The following INSL6 variants were observed in gnomAD, a reference collection of about 807,000 sequenced individuals.
INSL6 encodes the protein insulin-like peptide INSL6.
In INSL6, 16 loss-of-function variants were observed where a neutral mutation model predicts 9.4. The observed-to-expected ratio is 1.70, with a 90% CI of 1.15 to 2.59. The LOEUF is 2.59. Among genes scored for constraint, INSL6 ranks in the 30% most tolerant of loss-of-function variants. The pLI, the probability that INSL6 is intolerant of heterozygous loss-of-function variation, is 0.00. For synonymous variants in INSL6, 154 were observed against 96.9 expected, an observed-to-expected ratio of 1.59 and a Z score of -3.46; for missense variants, 391 against 257.3, an observed-to-expected ratio of 1.52 and a Z score of -3.56.
chr9:5,138,009 A>T (rs1217572353), intron 2 of INSL6, among the ~76,000 whole-genome samples: 1 of 152,232 alleles, frequency 6.6e-6, no homozygotes, highest in Admixed American at 6.5e-5. Flanking sequence ...CATTAGAGAA[A>T]TGCAAATCAA....
At chr9:5,064,805 G>A in the INSL6 span, 4 of 1,091,886 alleles carry the variant, frequency 3.7e-6, no homozygotes, top group African/African-American at 1.6e-5. Flanking sequence ...ATTTAACATG[G>A]AATGAAGAAA....
intron 2 of INSL6, among the ~76,000 whole-genome samples, chr9:5,157,958 A>G (rs1586867593): frequency 6.6e-6 from 1 of 152,214 alleles, no homozygotes; most frequent in East Asian, 1.9e-4. Flanking sequence ...AATAAAACAG[A>G]AAAGAAATTC....
the INSL6 span, among the ~76,000 whole-genome samples, chr9:5,086,502 A>T: frequency 6.6e-6 from 1 of 152,082 alleles, no homozygotes. Flanking sequence ...ATTAGCTAAC[A>T]TCTTGGTCCA....
the INSL6 span, chr9:5,041,592 T>C: frequency 8.0e-6 from 4 of 499,002 alleles, no homozygotes; most frequent in South Asian, 1.6e-5. Context: ...GCGCCTGGAC[T>C]TTGAGAAGCC....
the INSL6 span, chr9:5,090,781 C>T: frequency 2.6e-5 from 42 of 1,612,760 alleles, 1 homozygote; most frequent in South Asian, 4.6e-4. Flanking sequence ...CCACAGGGAT[C>T]TGGCAACGAG....
chr9:5,052,649 C>T, the INSL6 span, among the ~76,000 whole-genome samples: 7 of 152,184 alleles, frequency 4.6e-5, no homozygotes, highest in Non-Finnish European at 7.4e-5. Flanking sequence ...CAGTCCTCAT[C>T]CCACTTTCCC....
chr9:5,141,197 T>G (rs1229280862), intron 2 of INSL6, among the ~76,000 whole-genome samples: 2 of 152,186 alleles, frequency 1.3e-5, no homozygotes, highest in Non-Finnish European at 2.9e-5. Context: ...ATAGAATGAT[T>G]TATATTTCTT....
At chr9:5,011,886 T>G in the INSL6 span, among the ~76,000 whole-genome samples, 2 of 152,332 alleles carry the variant, frequency 1.3e-5, no homozygotes, top group South Asian at 2.1e-4. Flanking sequence ...GCTCTTATTC[T>G]TCAAGTGTGG....
the INSL6 span, among the ~76,000 whole-genome samples, chr9:5,020,486 G>A: frequency 6.6e-6 from 1 of 152,266 alleles, no homozygotes; most frequent in African/African-American, 2.4e-5. Flanking sequence ...GTTCAGGTGG[G>A]GGCAGCAGTG....
rs529530123 is a variant in INSL6 at position 5,131,594 on chromosome 9, C to T, written c.*10+1831G>A. Among the ~76,000 whole-genome samples the T allele has an allele frequency of 4.6e-4, 70 of 151,934 alleles. 2 individuals carry two copies. In the South Asian group the frequency reaches 0.013, roughly 29 times the overall value. On this transcript the variant is annotated intron_variant, in intron 3 of 3. Coordinates refer to the INSL6 transcript ENST00000649639. ...CTGGGATTACAGGTGCCCGCCACCACGCCCGGCTAATTTTTTGTATTTACT... is the reference window on the plus strand; with the variant it reads ...CTGGGATTACAGGTGCCCGCCACCATGCCCGGCTAATTTTTTGTATTTACT...
Position 5,126,779 on chromosome 9 carries a change from CAT to C in INSL6, c.*11-2270_*11-2269del, listed in dbSNP as rs768581446. On this transcript the variant is annotated intron_variant, in intron 3 of 3. Transcript: ENST00000649639. ...TTCGAGTGGATCAAATAAGGGATAA[CAT>C]GGCTGGATGAAAGAAATGACCTTCA... The C allele has an allele frequency of 3.1e-6, 5 of 1,602,312 alleles. No individual in the cohort carries two copies. In the South Asian group the frequency reaches 5.5e-5, roughly 18 times the overall value.
At chr9:5,005,826 G>T in the INSL6 span, among the ~76,000 whole-genome samples, 1 of 152,120 alleles carries the variant, frequency 6.6e-6, no homozygotes, top group East Asian at 1.9e-4. Flanking sequence ...TATATTCTGA[G>T]GGCTCTGTTC....
At chr9:5,083,684 T>C in the INSL6 span, among the ~76,000 whole-genome samples, 1 of 152,260 alleles carries the variant, frequency 6.6e-6, no homozygotes, top group East Asian at 1.9e-4. Context: ...TATATACTGG[T>C]ATTTAAGAAG....
rs1446100239 is a variant in INSL6, at chr9:5,165,660, T to C, written c.290-1395A>G. Among the ~76,000 whole-genome samples, 5 of 152,222 alleles carry C rather than the reference T, an allele frequency of 3.3e-5. No individual in the cohort carries two copies. In the East Asian group the frequency reaches 7.7e-4, roughly 23 times the overall value. The stretch of plus-strand genomic sequence containing the variant: ...CAACTGAGCAGTAGAAACCATTTTG[T>C]TCTTTATTAAAATATAAAGAAATAG... On this transcript the variant is annotated intron_variant, in intron 1 of 1. Transcript: ENST00000381641.
chr9:5,107,100 C>G, the INSL6 span, among the ~76,000 whole-genome samples: 1 of 152,128 alleles, frequency 6.6e-6, no homozygotes, highest in African/African-American at 2.4e-5. Flanking sequence ...GATGTTGACA[C>G]TTTGTAGATG....
chr9:5,037,201 G>C, the INSL6 span, among the ~76,000 whole-genome samples: 3 of 152,072 alleles, frequency 2.0e-5, no homozygotes, highest in African/African-American at 7.2e-5. Flanking sequence ...AAAAAGTCAG[G>C]AAACAACAGG....
At chr9:5,134,052 G>A (rs905109725) in intron 2 of INSL6, among the ~76,000 whole-genome samples, 2 of 152,058 alleles carry the variant, frequency 1.3e-5, no homozygotes, top group Non-Finnish European at 2.9e-5. Context: ...AAGCATACAC[G>A]AGTATCAACA....
chr9:5,046,654 T>C, the INSL6 span, among the ~76,000 whole-genome samples: 2 of 152,202 alleles, frequency 1.3e-5, no homozygotes, highest in African/African-American at 4.8e-5. Context: ...AAAGACTGTC[T>C]TTTCTCCATT....
chr9:5,077,239 A>G, the INSL6 span, among the ~76,000 whole-genome samples: 4 of 150,228 alleles, frequency 2.7e-5, no homozygotes, highest in African/African-American at 7.3e-5. Flanking sequence ...ATAATAATAT[A>G]TAATTGTTTA....
Sources: gnomAD v4.1 joint callset for allele counts (sites outside exome capture counted in the v4.1 genomes callset) on GRCh38, gnomAD v4.1.1 for gene constraint, MANE v1.5 for transcripts, NCBI Gene and HGNC (gene_info 2026-07-23, HGNC 2026-07-21) for gene names.